The following PTPRT variants were observed in gnomAD, a reference collection of about 807,000 sequenced individuals.
The protein encoded by PTPRT is receptor-type tyrosine-protein phosphatase T.
Under a neutral mutation model 176.8 loss-of-function variants are expected in PTPRT, and 56 were observed. The observed-to-expected ratio is 0.32, with a 90% CI of 0.26 to 0.40. The LOEUF is 0.40. PTPRT is among the 10% of genes least tolerant of loss of function. The pLI is 1.00. For missense variants in PTPRT, 1,540 were observed against 1,908.2 expected, an observed-to-expected ratio of 0.81 and a Z score of 3.60; for synonymous variants, 783 against 739.0, an observed-to-expected ratio of 1.06 and a Z score of -0.96.
chr20:42,323,202 C>T (rs562447145), intron 11 of PTPRT, among the ~76,000 whole-genome samples: 13 of 152,168 alleles, frequency 8.5e-5, no homozygotes, highest in African/African-American at 1.4e-4. Flanking sequence ...GTCACTGTGG[C>T]GATTCCTCAG....
chr20:42,700,365 C>A (rs944082659), intron 6 of PTPRT, among the ~76,000 whole-genome samples: 4 of 152,068 alleles, frequency 2.6e-5, no homozygotes, highest in African/African-American at 9.7e-5. Flanking sequence ...CTGGCAGGCC[C>A]CCCTCACACA....
intron 7 of PTPRT, among the ~76,000 whole-genome samples, chr20:42,668,372 G>C (rs2075353270): frequency 6.6e-6 from 1 of 152,132 alleles, no homozygotes; most frequent in Non-Finnish European, 1.5e-5. Flanking sequence ...CTTCTACAGA[G>C]AAGACCTGAG....
intron 2 of PTPRT, among the ~76,000 whole-genome samples, chr20:42,813,732 G>A (rs533505602): frequency 3.2e-4 from 48 of 152,250 alleles, no homozygotes; most frequent in African/African-American, 1.1e-3. Context: ...AGGAAGGAGA[G>A]AGCTCATCTA....
intron 16 of PTPRT, among the ~76,000 whole-genome samples, chr20:42,165,862 C>T (rs1989801477): frequency 6.6e-6 from 1 of 152,092 alleles, no homozygotes; most frequent in South Asian, 2.1e-4. Context: ...AAATATATTG[C>T]AAGCCATGTA....
chr20:42,960,622 A>G (rs1252860592), intron 1 of PTPRT, among the ~76,000 whole-genome samples: 2 of 152,170 alleles, frequency 1.3e-5, no homozygotes, highest in Non-Finnish European at 2.9e-5. Flanking sequence ...GCCAGCCTGC[A>G]TCTGTCACTG....
At chr20:42,224,363 T>C (rs533655946) in intron 15 of PTPRT, among the ~76,000 whole-genome samples, 63 of 152,308 alleles carry the variant, frequency 4.1e-4, no homozygotes, top group Non-Finnish European at 7.3e-4. Flanking sequence ...CCTCTGTACA[T>C]TTATGAACAG....
chr20:42,340,430 A>G (rs1378345784), intron 11 of PTPRT, among the ~76,000 whole-genome samples: 1 of 152,224 alleles, frequency 6.6e-6, no homozygotes, highest in African/African-American at 2.4e-5. Context: ...GTATTCTGAG[A>G]GAGTAACCAC....
chr20:42,291,324 T>C (rs897578579), intron 12 of PTPRT, among the ~76,000 whole-genome samples: 14 of 152,176 alleles, frequency 9.2e-5, no homozygotes, highest in South Asian at 4.1e-4. Context: ...CCTGTCCTCA[T>C]AGAGCATGCA....
intron 1 of PTPRT, among the ~76,000 whole-genome samples, chr20:42,918,768 A>C (rs1978952139): frequency 6.6e-6 from 1 of 152,220 alleles, no homozygotes; most frequent in African/African-American, 2.4e-5. Context: ...GGGGTCAGAC[A>C]GTGCTTGCCC....
At chr20:42,987,005 G>A (rs1983622336) in intron 1 of PTPRT, among the ~76,000 whole-genome samples, 1 of 152,168 alleles carries the variant, frequency 6.6e-6, no homozygotes, top group Non-Finnish European at 1.5e-5. Context: ...TCCCGCTTCA[G>A]CGGTTCCAAT....
intron 6 of PTPRT, among the ~76,000 whole-genome samples, chr20:42,697,375 G>A (rs1397245275): frequency 6.6e-6 from 1 of 152,142 alleles, no homozygotes; most frequent in African/African-American, 2.4e-5. Context: ...ATTTTACAGT[G>A]GTAAATAAAC....
chr20:42,170,029 C>A, intron 16 of PTPRT, among the ~76,000 whole-genome samples: 1 of 152,168 alleles, frequency 6.6e-6, no homozygotes, highest in Non-Finnish European at 1.5e-5. Context: ...GAAAGGTTCT[C>A]TTATCTCTAA....
In PTPRT at chr20:42,074,653, G is replaced by C. The variant is rs1273256831; in HGVS notation, c.*6226C>G. On this transcript the variant is annotated 3_prime_UTR_variant, in exon 31 of 31. Coordinates refer to ENST00000373187, the MANE Select transcript of PTPRT (RefSeq NM_007050.6). ...GTATCTGCCCCAGTGGACCACCCCTGAGCTCTTAGATAGGTGGGATGCTAG... is the reference window on the plus strand; with the variant it reads ...GTATCTGCCCCAGTGGACCACCCCTCAGCTCTTAGATAGGTGGGATGCTAG... The C allele has an allele frequency of 1.3e-5, 5 of 397,070 alleles. No homozygotes were observed. The highest frequency in any genetic ancestry group is 8.9e-6 in the Non-Finnish European group (2 of 225,488). 24.6% of individuals were successfully genotyped at this position (397,070 alleles called of 1,614,324 possible). A position where few individuals can be genotyped will look rare whatever the true frequency, so the allele number is the denominator to read the frequency against.
chr20:42,792,561 A>G (rs1010206326), intron 2 of PTPRT, among the ~76,000 whole-genome samples: 8 of 152,238 alleles, frequency 5.3e-5, no homozygotes, highest in Non-Finnish European at 8.8e-5. Context: ...GGGAGGGCTG[A>G]ACTTAGAGTC....
chr20:43,132,773 G>A (rs1452506109), intron 1 of PTPRT, among the ~76,000 whole-genome samples: 1 of 151,982 alleles, frequency 6.6e-6, no homozygotes, highest in Non-Finnish European at 1.5e-5. Flanking sequence ...AGCTAGAAGA[G>A]GTATTTCAAA....
At position 42,616,792 on chromosome 20, in the gene PTPRT, T is replaced by A. The variant is rs1349369002; in HGVS notation, c.1153+61074A>T. 2.2e-5 allele frequency among the ~76,000 whole-genome samples: 3 copies of A among 136,288 alleles called. 1 individual carries two copies. The Middle Eastern group carries it at 9.7e-3, about 440-fold the overall frequency. 89.4% of individuals were successfully genotyped at this position (136,288 alleles called of 152,430 possible). ...GTGATTTTTGTACATTGATTTTGTA[T>A]CCTGAGAATTTGCTGAAGTTGCTTA... On this transcript the variant is annotated intron_variant, in intron 7 of 30. Coordinates refer to ENST00000373187, the MANE Select transcript of PTPRT (RefSeq NM_007050.6).
the PTPRT span, among the ~76,000 whole-genome samples, chr20:42,040,489 A>C: frequency 6.6e-6 from 1 of 152,240 alleles, no homozygotes; most frequent in African/African-American, 2.4e-5. Context: ...ACTGTGGAGG[A>C]TTAACCTTCT....
At chr20:42,975,337 A>G (rs1982886793) in intron 1 of PTPRT, among the ~76,000 whole-genome samples, 1 of 152,224 alleles carries the variant, frequency 6.6e-6, no homozygotes, top group Non-Finnish European at 1.5e-5. Flanking sequence ...CATGATTTCA[A>G]TTATATGAAA....
At chr20:42,584,578 G>A (rs915070878) in intron 7 of PTPRT, among the ~76,000 whole-genome samples, 1 of 152,060 alleles carries the variant, frequency 6.6e-6, no homozygotes, top group Non-Finnish European at 1.5e-5. Flanking sequence ...GAGAGCCAGG[G>A]AACACCTCTC....
Sources: allele counts gnomAD v4.1 joint callset (sites outside exome capture counted in the v4.1 genomes callset), GRCh38; gene constraint gnomAD v4.1.1; transcripts MANE v1.5; gene names NCBI Gene and HGNC (gene_info 2026-07-23, HGNC 2026-07-21).